PCDHGA9: variants seen among roughly 807,000 people sequenced by gnomAD.
The protein encoded by PCDHGA9 is protocadherin gamma subfamily A, 9.
A neutral mutation model predicts 62.5 loss-of-function variants in PCDHGA9; 37 were observed. The ratio of observed to expected loss-of-function variants is 0.59; its 90% CI spans 0.46 to 0.78. The LOEUF (loss-of-function observed/expected upper bound fraction) is 0.78, where lower values mean the gene tolerates loss of function less well. Ranked by LOEUF, PCDHGA9 falls within the 30% of genes least tolerant of loss-of-function variation. The pLI, the probability that PCDHGA9 is intolerant of heterozygous loss-of-function variation, is 0.00. For synonymous variants in PCDHGA9, 459 were observed against 484.6 expected, an observed-to-expected ratio of 0.95 and a Z score of 0.69; for missense variants, 1,138 against 1,166.2, an observed-to-expected ratio of 0.98 and a Z score of 0.35.
intron 1 of PCDHGA9, among the ~76,000 whole-genome samples, chr5:141,484,211 G>A (rs1362875959): frequency 6.6e-6 from 1 of 152,158 alleles, no homozygotes; most frequent in Non-Finnish European, 1.5e-5. Context: ...ATGAACATTA[G>A]CATTCTGCCA....
intron 1 of PCDHGA9, among the ~76,000 whole-genome samples, chr5:141,482,314 A>G (rs1279804501): frequency 6.6e-6 from 1 of 152,180 alleles, no homozygotes; most frequent in Admixed American, 6.5e-5. Flanking sequence ...TTCCTCATCT[A>G]TAAAATAAAG....
In PCDHGA9 at chr5:141,476,776, G is replaced by A. The variant is rs764674164; in HGVS notation, c.2425-18031G>A. 9.3e-6 allele frequency: 15 copies of A among 1,612,744 alleles called. No homozygotes were observed. The highest frequency in any genetic ancestry group is 1.3e-5 in the Non-Finnish European group (15 of 1,179,218). On this transcript the variant is annotated intron_variant, in intron 1 of 3. Coordinates refer to ENST00000573521, the MANE Select transcript of PCDHGA9 (RefSeq NM_018921.3). This position sits in a 1 kb window ranked among gnomAD's most constrained non-coding sequence, Gnocchi z 7.6. ...TAGTGCTGACGGCGTTGGACGGAGG[G>A]ACCCCAGCTCTCTCCGCCAGCCTGC...
chr5:141,408,300 T>C lies in PCDHGA9; in HGVS notation c.2424+2924T>C. On this transcript the variant is annotated intron_variant, in intron 1 of 3. Coordinates refer to ENST00000573521, the MANE Select transcript of PCDHGA9 (RefSeq NM_018921.3). ...TTCTACCCCACCCTGAGTGAGCCGATCCGCTACTCGATTCCGGAGGAGCTG... is the reference window on the plus strand; with the variant it reads ...TTCTACCCCACCCTGAGTGAGCCGACCCGCTACTCGATTCCGGAGGAGCTG... The C allele has an allele frequency of 1.2e-6, 2 of 1,613,732 alleles. No homozygotes were observed. The highest frequency in any genetic ancestry group is 1.7e-6 in the Non-Finnish European group (2 of 1,179,694).
At chr5:141,434,553 G>T (rs1203568173) in intron 1 of PCDHGA9, among the ~76,000 whole-genome samples, 1 of 152,202 alleles carries the variant, frequency 6.6e-6, no homozygotes, top group Admixed American at 6.5e-5. Flanking sequence ...AGTGATCTGT[G>T]CCTTAAGGAC....
intron 3 of PCDHGA9, among the ~76,000 whole-genome samples, chr5:141,507,898 C>T (rs577177417): frequency 1.3e-5 from 2 of 152,310 alleles, no homozygotes; most frequent in East Asian, 1.9e-4. Flanking sequence ...TTCCTGAAGT[C>T]CAGCCCAGCC....
At position 141,485,287 on chromosome 5, in the gene PCDHGA9, G is replaced by A. The variant is rs1396496143; in HGVS notation, c.2425-9520G>A. 5.0e-6 allele frequency: 8 copies of A among 1,614,064 alleles called. No individual in the cohort carries two copies. The highest frequency in any genetic ancestry group is 6.8e-6 in the Non-Finnish European group (8 of 1,180,002). On this transcript the variant is annotated intron_variant, in intron 1 of 3. Transcript: ENST00000573521. The surrounding 1 kb of genome is among the most constrained non-coding windows in gnomAD (Gnocchi z 5.7). ...AGATCCGCTACCCGGTCCCAGAGGA[G>A]TCACAGGAAGGGACTTTTGTAGGGA...
intron 1 of PCDHGA9, among the ~76,000 whole-genome samples, chr5:141,467,116 A>T (rs981562543): frequency 2.0e-5 from 3 of 150,560 alleles, no homozygotes; most frequent in Non-Finnish European, 4.4e-5. Flanking sequence ...ACAATGGTGC[A>T]ATCTCAGCTC....
At chr5:141,460,456 T>C (rs2098989632) in intron 1 of PCDHGA9, among the ~76,000 whole-genome samples, 1 of 152,124 alleles carries the variant, frequency 6.6e-6, no homozygotes, top group South Asian at 2.1e-4. Flanking sequence ...AAGATTCATA[T>C]TTTTTTCCAA....
At chr5:141,484,889 TC>T (rs1312115219) in intron 1 of PCDHGA9, 2 of 362,958 alleles carry the variant, frequency 5.5e-6, no homozygotes, top group Admixed American at 8.9e-5. Flanking sequence ...GTGGGCTTTT[TC>T]CCCTCCAATG....
At chr5:141,452,380 G>A (rs1003689226) in intron 1 of PCDHGA9, among the ~76,000 whole-genome samples, 2 of 152,192 alleles carry the variant, frequency 1.3e-5, no homozygotes, top group Admixed American at 1.3e-4. Context: ...GTAGGGAATA[G>A]TATTTAGAAA....
At chr5:141,430,252 A>C (rs1292590200) in intron 1 of PCDHGA9, among the ~76,000 whole-genome samples, 1 of 102,244 alleles carries the variant, frequency 9.8e-6, no homozygotes, top group Admixed American at 1.0e-4. Context: ...CTAGGGAGAC[A>C]TCTCCATAAT....
chr5:141,422,987 A>AG, intron 1 of PCDHGA9: 1 of 1,614,168 alleles, frequency 6.2e-7, no homozygotes. Context: ...GAACCTGGCT[A>AG]CCTGGTGACC....
At chr5:141,454,047 T>C (rs896373946) in intron 1 of PCDHGA9, among the ~76,000 whole-genome samples, 6 of 152,122 alleles carry the variant, frequency 3.9e-5, no homozygotes, top group African/African-American at 7.2e-5. Flanking sequence ...AAGATAAAAG[T>C]GCAGCAAAGA....
rs2099745591 is a variant in PCDHGA9, at chr5:141,492,999, T to C, written c.2425-1808T>C. Among the ~76,000 whole-genome samples, 3 of 152,350 alleles carry C rather than the reference T, an allele frequency of 2.0e-5. No homozygotes were observed. In the South Asian group the frequency reaches 6.2e-4, roughly 32 times the overall value. ...CTGTCTCCTCTGGCAGATGGAAAGCTATAGGCTCTGCCAGATGCCAGGGTG... is the reference window on the plus strand; with the variant it reads ...CTGTCTCCTCTGGCAGATGGAAAGCCATAGGCTCTGCCAGATGCCAGGGTG... On this transcript the variant is annotated intron_variant, in intron 1 of 3. Coordinates refer to ENST00000573521, the MANE Select transcript of PCDHGA9 (RefSeq NM_018921.3).
intron 1 of PCDHGA9, among the ~76,000 whole-genome samples, chr5:141,433,999 A>G (rs1471657184): frequency 6.6e-6 from 1 of 152,070 alleles, no homozygotes; most frequent in Admixed American, 6.6e-5. Context: ...TATATTCTCT[A>G]TATATGTTTG....
In PCDHGA9 at chr5:141,476,042, T is replaced by C. The variant is rs199923442; in HGVS notation, c.2425-18765T>C. On this transcript the variant is annotated intron_variant, in intron 1 of 3. Coordinates refer to ENST00000573521, the MANE Select transcript of PCDHGA9 (RefSeq NM_018921.3). The surrounding 1 kb of genome is among the most constrained non-coding windows in gnomAD (Gnocchi z 7.6). Reference sequence around the variant, plus strand: ...GACTCGGCGCCCAGCGCCCAAGCGCTAACCCGCTGAAAGTTTCTCAGCGAA... The same window carrying C: ...GACTCGGCGCCCAGCGCCCAAGCGCCAACCCGCTGAAAGTTTCTCAGCGAA... 1.4e-5 allele frequency: 21 copies of C among 1,491,832 alleles called. No individual in the cohort carries two copies. The highest frequency in any genetic ancestry group is 2.7e-6 in the Non-Finnish European group (3 of 1,123,808). 92.4% of individuals were successfully genotyped at this position (1,491,832 alleles called of 1,614,324 possible). A position where few individuals can be genotyped will look rare whatever the true frequency, so the allele number is the denominator to read the frequency against.
In PCDHGA9 at chr5:141,477,088, C is replaced by G. The variant is rs1008530221; in HGVS notation, c.2425-17719C>G. On this transcript the variant is annotated intron_variant, in intron 1 of 3. Transcript: ENST00000573521. This position sits in a 1 kb window ranked among gnomAD's most constrained non-coding sequence, Gnocchi z 4.9. ...AACTCCATGAGATTTACATCCAGGC[C>G]AAAGACAAGGGCGCCAATCCCGAAG... The G allele has an allele frequency of 1.2e-6, 2 of 1,614,112 alleles. No individual in the cohort carries two copies. The highest frequency in any genetic ancestry group is 1.6e-4 in the Middle Eastern group (1 of 6,084).
intron 1 of PCDHGA9, among the ~76,000 whole-genome samples, chr5:141,450,639 A>T (rs1390959433): frequency 6.6e-6 from 1 of 151,390 alleles, no homozygotes; most frequent in Non-Finnish European, 1.5e-5. Flanking sequence ...GATGCCTGCC[A>T]CCATGCCTGG....
intron 1 of PCDHGA9, among the ~76,000 whole-genome samples, chr5:141,463,839 T>C (rs1356261890): frequency 1.3e-5 from 2 of 152,240 alleles, no homozygotes; most frequent in African/African-American, 4.8e-5. Flanking sequence ...TTCCCAGTTG[T>C]TATAGTGGTA....
Sources: gnomAD v4.1 joint callset for allele counts (sites outside exome capture counted in the v4.1 genomes callset) on GRCh38, gnomAD v4.1.1 for gene constraint, Gnocchi (gnomAD v3.1) non-coding constraint, MANE v1.5 for transcripts, NCBI Gene and HGNC (gene_info 2026-07-23, HGNC 2026-07-21) for gene names.